RARB: variants seen among roughly 807,000 people sequenced by gnomAD.
RARB encodes the protein retinoic acid receptor beta, also known as HBV-activated protein.
In RARB, 17 loss-of-function variants were observed where a neutral mutation model predicts 51.9. The ratio of observed to expected loss-of-function variants is 0.33; its 90% CI spans 0.22 to 0.49. RARB has a LOEUF of 0.49. Ranked by LOEUF, RARB falls within the 20% of genes least tolerant of loss-of-function variation. The probability of loss-of-function intolerance (pLI) is 0.99; values close to 1 mark genes in which losing one functional copy is unlikely to be tolerated. For synonymous variants in RARB, 215 were observed against 195.4 expected, an observed-to-expected ratio of 1.10 and a Z score of -0.84; for missense variants, 369 against 550.8, an observed-to-expected ratio of 0.67 and a Z score of 3.30.
intron 5 of RARB, among the ~76,000 whole-genome samples, chr3:25,235,633 T>C (rs1702284720): frequency 6.6e-6 from 1 of 152,200 alleles, no homozygotes; most frequent in Non-Finnish European, 1.5e-5. Flanking sequence ...GCAAGTCTGC[T>C]GTTTCATGTG....
intron 4 of RARB, among the ~76,000 whole-genome samples, chr3:25,137,233 G>A (rs1302058149): frequency 6.6e-6 from 1 of 151,996 alleles, no homozygotes; most frequent in Non-Finnish European, 1.5e-5. Flanking sequence ...AAAACTTTAA[G>A]AACTTAAAGT....
chr3:25,509,503 G>GA (rs1332672398), intron 3 of RARB, among the ~76,000 whole-genome samples: 1 of 152,226 alleles, frequency 6.6e-6, no homozygotes, highest in Non-Finnish European at 1.5e-5. Context: ...CCACAGCTTA[G>GA]AAGTGCAGCT....
intron 5 of RARB, among the ~76,000 whole-genome samples, chr3:25,290,737 G>A (rs1443616766): frequency 6.6e-6 from 1 of 152,030 alleles, no homozygotes; most frequent in Non-Finnish European, 1.5e-5. Context: ...GTCCTGGGCT[G>A]TCTTTCCTCT....
At chr3:24,881,196 A>G (rs1463578769) in intron 2 of RARB, among the ~76,000 whole-genome samples, 1 of 152,196 alleles carries the variant, frequency 6.6e-6, no homozygotes, top group African/African-American at 2.4e-5. Context: ...CATGATTACA[A>G]GTTTCCTGAG....
At chr3:25,052,700 TAGTAA>T (rs1698361063) in intron 2 of RARB, among the ~76,000 whole-genome samples, 1 of 152,122 alleles carries the variant, frequency 6.6e-6, no homozygotes, top group South Asian at 2.1e-4. Flanking sequence ...CAGGTGAAAA[TAGTAA>T]AGTAGATTGC....
At chr3:24,997,813 T>C (rs1697074542) in intron 2 of RARB, among the ~76,000 whole-genome samples, 1 of 152,194 alleles carries the variant, frequency 6.6e-6, no homozygotes, top group South Asian at 2.1e-4. Context: ...AAAATGTAGA[T>C]TTTCTAAATA....
chr3:25,278,807 A>T (rs1279605392), intron 5 of RARB, among the ~76,000 whole-genome samples: 1 of 152,180 alleles, frequency 6.6e-6, no homozygotes, highest in Non-Finnish European at 1.5e-5. Flanking sequence ...ACTCAGTAAC[A>T]CTACTAAAGG....
At chr3:24,941,327 A>G (rs1172800754) in intron 2 of RARB, among the ~76,000 whole-genome samples, 1 of 152,084 alleles carries the variant, frequency 6.6e-6, no homozygotes, top group African/African-American at 2.4e-5. Context: ...TAATTCTTAA[A>G]TGATATTTTA....
chr3:25,259,333 G>A (rs1702942140), intron 5 of RARB, among the ~76,000 whole-genome samples: 1 of 151,980 alleles, frequency 6.6e-6, no homozygotes, highest in Admixed American at 6.6e-5. Flanking sequence ...GTTCTATCTG[G>A]CCAATGATAT....
intron 3 of RARB, among the ~76,000 whole-genome samples, chr3:25,531,384 ATAGG>A (rs1367911363): frequency 2.0e-5 from 2 of 98,106 alleles, no homozygotes; most frequent in Admixed American, 1.1e-4. Flanking sequence ...AGATAGATAG[ATAGG>A]TAGATAGATA....
At chr3:25,122,261 T>C (rs138131992) in intron 3 of RARB, among the ~76,000 whole-genome samples, 3 of 152,052 alleles carry the variant, frequency 2.0e-5, no homozygotes, top group Non-Finnish European at 4.4e-5. Flanking sequence ...TGTGCGATGC[T>C]TAACAAATGG....
intron 5 of RARB, among the ~76,000 whole-genome samples, chr3:25,391,168 G>A (rs771150437): frequency 1.7e-4 from 26 of 152,094 alleles, no homozygotes; most frequent in Non-Finnish European, 3.2e-4. Context: ...ATTCCAGAGT[G>A]ACTTCACTTA....
chr3:25,059,223 C>T (rs1698500276), intron 2 of RARB, among the ~76,000 whole-genome samples: 1 of 151,698 alleles, frequency 6.6e-6, no homozygotes, highest in Non-Finnish European at 1.5e-5. Flanking sequence ...ACCTAAGCCA[C>T]TATTTATGTA....
At chr3:24,880,531 G>A (rs1703139227) in intron 2 of RARB, among the ~76,000 whole-genome samples, 1 of 152,118 alleles carries the variant, frequency 6.6e-6, no homozygotes, top group South Asian at 2.1e-4. Context: ...TAAAGAGATA[G>A]AAAACAGGAG....
chr3:25,320,948 A>G (rs536208468), intron 5 of RARB, among the ~76,000 whole-genome samples: 6 of 152,304 alleles, frequency 3.9e-5, no homozygotes, highest in African/African-American at 1.4e-4. Flanking sequence ...TGAGGTATCC[A>G]CCCAACATTG....
chr3:24,863,537 G>A (rs936061996), intron 2 of RARB, among the ~76,000 whole-genome samples: 6 of 152,078 alleles, frequency 3.9e-5, no homozygotes, highest in African/African-American at 1.4e-4. Context: ...TCATGTCAGC[G>A]TAACCTGGAT....
chr3:24,967,462 G>T (rs1184305906), intron 2 of RARB, among the ~76,000 whole-genome samples: 8 of 152,118 alleles, frequency 5.3e-5, no homozygotes, highest in Non-Finnish European at 1.2e-4. Flanking sequence ...ACTTCTAAGA[G>T]TAGAATCCAG....
chr3:25,121,103 C>G (rs1290802231), intron 3 of RARB, among the ~76,000 whole-genome samples: 1 of 151,958 alleles, frequency 6.6e-6, no homozygotes, highest in Non-Finnish European at 1.5e-5. Flanking sequence ...GGTGGGAAAG[C>G]CTGAAGAAGG....
In RARB at chr3:25,428,269, G is replaced by C; in HGVS notation, c.-463G>C. 1 of 1,233,502 alleles carries C rather than the reference G, an allele frequency of 8.1e-7. No individual in the cohort carries two copies. Among genetic ancestry groups the C allele is most frequent in the Non-Finnish European group, 1.0e-6 (1 of 989,124 alleles). The allele number at this position is 1,233,502 out of a possible 1,614,324, so 76.4% of individuals were successfully genotyped here. A position where few individuals can be genotyped will look rare whatever the true frequency, so the allele number is the denominator to read the frequency against. On this transcript the variant is annotated 5_prime_UTR_variant, in exon 1 of 8. Transcript: ENST00000330688. ...ATTCAATCTTTCATTCTGTGTGACAGAAGTAGTAGGAAGTGAGCTGTTCAG... is the reference window on the plus strand; with the variant it reads ...ATTCAATCTTTCATTCTGTGTGACACAAGTAGTAGGAAGTGAGCTGTTCAG...
Sources: gnomAD v4.1 joint callset for allele counts (sites outside exome capture counted in the v4.1 genomes callset) on GRCh38, gnomAD v4.1.1 for gene constraint, MANE v1.5 for transcripts, NCBI Gene and HGNC (gene_info 2026-07-23, HGNC 2026-07-21) for gene names.